Variants in DLG5 observed in about 807,000 individuals in gnomAD.
The protein encoded by DLG5 is disks large homolog 5.
In DLG5, 48 loss-of-function variants were observed where a neutral mutation model predicts 189.8. The ratio of observed to expected loss-of-function variants is 0.25; its 90% CI spans 0.20 to 0.32. DLG5 has a LOEUF of 0.32. Ranked by LOEUF, DLG5 falls within the 10% of genes least tolerant of loss-of-function variation. The probability of loss-of-function intolerance (pLI) is 1.00; values close to 1 mark genes in which losing one functional copy is unlikely to be tolerated. For synonymous variants in DLG5, 1,016 were observed against 1,054.1 expected, an observed-to-expected ratio of 0.96 and a Z score of 0.70; for missense variants, 2,160 against 2,544.7, an observed-to-expected ratio of 0.85 and a Z score of 3.25.
chr10:77,889,906 G>C (rs1301603236), intron 1 of DLG5, among the ~76,000 whole-genome samples: 2 of 152,122 alleles, frequency 1.3e-5, no homozygotes, highest in African/African-American at 4.8e-5. Flanking sequence ...CACTGTAGGT[G>C]GGAGCCAGAG....
At chr10:77,939,635 T>G in the DLG5 span, among the ~76,000 whole-genome samples, 12 of 152,112 alleles carry the variant, frequency 7.9e-5, no homozygotes, top group African/African-American at 2.9e-4. Context: ...TCCCCACAGG[T>G]GGGGGCAAGG....
chr10:77,858,638 T>TA (rs1478126577), intron 2 of DLG5, among the ~76,000 whole-genome samples: 3 of 151,882 alleles, frequency 2.0e-5, no homozygotes, highest in Non-Finnish European at 4.4e-5. Context: ...AACTTCTCTC[T>TA]AAAAAAAATA....
At chr10:77,853,249 T>C in intron 5 of DLG5, 105 bp downstream of exon 5, 2 of 1,122,956 alleles carry the variant, frequency 1.8e-6, no homozygotes, top group Non-Finnish European at 2.3e-6. Context: ...ATCACAGATG[T>C]GAGCCAACGT....
chr10:77,807,660 T>C (rs1424945521), intron 25 of DLG5, 136 bp downstream of exon 25: 9 of 1,031,770 alleles, frequency 8.7e-6, no homozygotes, highest in South Asian at 1.6e-5. Flanking sequence ...GCGTGCAGAT[T>C]GAGTGTCAAG....
At chr10:77,840,552 T>C (rs926748785) in intron 7 of DLG5, among the ~76,000 whole-genome samples, 1 of 152,038 alleles carries the variant, frequency 6.6e-6, no homozygotes, top group Non-Finnish European at 1.5e-5. Context: ...GCCACGTCTC[T>C]AGTAAAAATA....
chr10:77,817,935 C>T (rs1434329792), intron 17 of DLG5, 46 bp from the exon 18 acceptor site: 1 of 1,470,280 alleles, frequency 6.8e-7, no homozygotes, highest in Non-Finnish European at 9.3e-7. Context: ...GAACCAGGAA[C>T]AGATGTGGCC....
chr10:77,842,232 C>T (rs1843457573), intron 6 of DLG5, 39 bp from the exon 7 acceptor site: 2 of 1,578,356 alleles, frequency 1.3e-6, no homozygotes, highest in African/African-American at 2.7e-5. Context: ...AGGGCGGGGG[C>T]CCTGCCCGGT....
intron 24 of DLG5, 79 bp downstream of exon 24, chr10:77,809,468 T>G: frequency 6.8e-7 from 1 of 1,474,428 alleles, no homozygotes; most frequent in Admixed American, 2.1e-5. Flanking sequence ...CTCCTCCGTC[T>G]TTGGTGCCAC....
intron 27 of DLG5, among the ~76,000 whole-genome samples, chr10:77,799,136 T>C (rs2154574905): frequency 6.6e-6 from 1 of 152,332 alleles, no homozygotes; most frequent in African/African-American, 2.4e-5. Context: ...AGACAGCATC[T>C]TATGAGTCAC....
chr10:77,828,814 G>T, intron 13 of DLG5, 68 bp downstream of exon 13: 1 of 1,530,170 alleles, frequency 6.5e-7, no homozygotes, highest in Non-Finnish European at 9.0e-7. Flanking sequence ...ATTACTTCTT[G>T]CTCAAACCTC....
At chr10:77,848,077 C>G (rs1314230639) in intron 5 of DLG5, among the ~76,000 whole-genome samples, 1 of 152,186 alleles carries the variant, frequency 6.6e-6, no homozygotes, top group East Asian at 1.9e-4. Flanking sequence ...GAGCACGGGA[C>G]AGTTGGCCTG....
chr10:77,888,523 C>T (rs573040584), intron 1 of DLG5, among the ~76,000 whole-genome samples: 5 of 152,256 alleles, frequency 3.3e-5, no homozygotes, highest in South Asian at 4.1e-4. Context: ...ATTCATCAGG[C>T]GGAGCTTTGC....
chr10:77,816,853 AC>A (rs1221936776), intron 19 of DLG5, 152 bp from the exon 20 acceptor site: 3 of 1,354,144 alleles, frequency 2.2e-6, no homozygotes, highest in African/African-American at 1.4e-5. Flanking sequence ...ATTGCCCCCT[AC>A]CCCCCACACC....
intron 1 of DLG5, among the ~76,000 whole-genome samples, chr10:77,878,212 C>G (rs1845166495): frequency 6.6e-6 from 1 of 152,250 alleles, no homozygotes; most frequent in Non-Finnish European, 1.5e-5. Context: ...TGTAGCAAGG[C>G]AGGCTCTGCG....
At chr10:77,878,959 C>T (rs1050448874) in intron 1 of DLG5, among the ~76,000 whole-genome samples, 2 of 152,208 alleles carry the variant, frequency 1.3e-5, no homozygotes, top group South Asian at 2.1e-4. Flanking sequence ...ATTCGCCAAA[C>T]GCTGGGTTAA....
At chr10:77,903,084 G>A (rs1364663341) in intron 1 of DLG5, among the ~76,000 whole-genome samples, 1 of 152,196 alleles carries the variant, frequency 6.6e-6, no homozygotes, top group East Asian at 1.9e-4. Context: ...ATGGTTCAAT[G>A]TACATACACT....
intron 5 of DLG5, chr10:77,845,153 C>A (rs1843623011): frequency 6.6e-6 from 1 of 152,200 alleles, no homozygotes; most frequent in East Asian, 1.9e-4. Flanking sequence ...GAGAAAAAAA[C>A]AAACCAAGAA....
intron 14 of DLG5, 128 bp downstream of exon 14, chr10:77,824,256 C>G (rs1440578711): frequency 1.5e-6 from 1 of 687,236 alleles, no homozygotes; most frequent in Admixed American, 2.7e-5. Flanking sequence ...TTCCTGCCCC[C>G]TCTGCACTCA....
rs145984011 is a variant in DLG5 at position 77,890,885 on chromosome 10, G to C, written c.305-21688C>G. Among the ~76,000 whole-genome samples, 911 of 152,216 alleles carry C rather than the reference G, an allele frequency of 6.0e-3. 6 individuals are homozygous for C. Among genetic ancestry groups the C allele is most frequent in the Middle Eastern group, 0.01 (3 of 294 alleles). The stretch of plus-strand genomic sequence containing the variant: ...ACCTGCCTGGAAGCTGGCACTGGAG[G>C]GTCTCCATGGGCCCAGCCTAACCTG... On this transcript the variant is annotated intron_variant, in intron 1 of 31. Transcript: ENST00000372391.
Sources: allele counts gnomAD v4.1 joint callset (sites outside exome capture counted in the v4.1 genomes callset), GRCh38; gene constraint gnomAD v4.1.1; transcripts MANE v1.5; gene names NCBI Gene and HGNC (gene_info 2026-07-23, HGNC 2026-07-21).